Variants in PTPRD observed in about 807,000 individuals in gnomAD.
The protein encoded by PTPRD is protein tyrosine phosphatase receptor type D.
A neutral mutation model predicts 214.5 loss-of-function variants in PTPRD; 34 were observed. The ratio of observed to expected loss-of-function variants is 0.16; its 90% CI spans 0.12 to 0.21. PTPRD has a LOEUF of 0.21. Among genes scored for constraint, PTPRD ranks in the 10% least tolerant of loss-of-function variants. The pLI is 1.00. For synonymous variants in PTPRD, 1,128 were observed against 845.7 expected, an observed-to-expected ratio of 1.33 and a Z score of -5.79; for missense variants, 2,545 against 2,398.7, an observed-to-expected ratio of 1.06 and a Z score of -1.27.
chr9:9,389,479 C>T (rs1569567912), intron 9 of PTPRD, among the ~76,000 whole-genome samples: 1 of 152,160 alleles, frequency 6.6e-6, no homozygotes, highest in Non-Finnish European at 1.5e-5. Flanking sequence ...CATTGCACTC[C>T]AGCTTGGGCC....
intron 11 of PTPRD, among the ~76,000 whole-genome samples, chr9:8,807,899 G>C (rs1377887345): frequency 1.3e-5 from 2 of 152,130 alleles, no homozygotes; most frequent in African/African-American, 2.4e-5. Context: ...TGGGTCTAAA[G>C]AGAATCTGTA....
At chr9:10,313,419 A>ACACACACACACAC (rs1565224241) in intron 3 of PTPRD, among the ~76,000 whole-genome samples, 1 of 91,882 alleles carries the variant, frequency 1.1e-5, no homozygotes, top group Non-Finnish European at 2.0e-5. Flanking sequence ...CACACACACA[A>ACACACACACACAC]ATTTTTAAAA....
chr9:9,165,929 C>G (rs2099902662), intron 10 of PTPRD, among the ~76,000 whole-genome samples: 4 of 151,996 alleles, frequency 2.6e-5, no homozygotes, highest in Admixed American at 2.6e-4. Flanking sequence ...TAATCACAAA[C>G]CAGCCTTTTC....
chr9:9,919,519 T>A (rs1268032712), intron 5 of PTPRD, among the ~76,000 whole-genome samples: 1 of 152,162 alleles, frequency 6.6e-6, no homozygotes, highest in Non-Finnish European at 1.5e-5. Context: ...ATTATTCAAA[T>A]GAAGTACACT....
chr9:9,433,064 G>T (rs1421853274), intron 8 of PTPRD, among the ~76,000 whole-genome samples: 1 of 152,030 alleles, frequency 6.6e-6, no homozygotes, highest in African/African-American at 2.4e-5. Flanking sequence ...GTTAGGAAGG[G>T]CACACAAAAG....
intron 2 of PTPRD, among the ~76,000 whole-genome samples, chr9:10,366,920 A>T (rs2097527602): frequency 6.6e-6 from 1 of 152,134 alleles, no homozygotes; most frequent in Admixed American, 6.6e-5. Context: ...ACACCAGGAT[A>T]ATGATTAGGA....
intron 11 of PTPRD, among the ~76,000 whole-genome samples, chr9:8,889,823 G>C (rs1019047233): frequency 4.6e-5 from 7 of 152,120 alleles, no homozygotes; most frequent in African/African-American, 7.2e-5. Flanking sequence ...GTATTCCATG[G>C]TGTATATATA....
chr9:8,323,442 G>A (rs1033804253), intron 44 of PTPRD, among the ~76,000 whole-genome samples: 9 of 152,178 alleles, frequency 5.9e-5, no homozygotes, highest in African/African-American at 1.9e-4. Context: ...AAATTTACTG[G>A]AAGTAATTCA....
intron 14 of PTPRD, among the ~76,000 whole-genome samples, chr9:8,563,697 TGTCACCCA>T (rs1478430633): frequency 1.3e-5 from 2 of 152,080 alleles, no homozygotes; most frequent in African/African-American, 2.4e-5. Flanking sequence ...GGCCTCCCTC[TGTCACCCA>T]GGCTGGAACG....
At chr9:9,325,701 T>C (rs911572271) in intron 9 of PTPRD, among the ~76,000 whole-genome samples, 3 of 152,182 alleles carry the variant, frequency 2.0e-5, no homozygotes, top group Admixed American at 6.6e-5. Context: ...TCCTGCCTGA[T>C]TGCCCTGGCC....
At chr9:8,722,111 TTAAG>T (rs1410452129) in intron 12 of PTPRD, among the ~76,000 whole-genome samples, 3 of 143,610 alleles carry the variant, frequency 2.1e-5, no homozygotes, top group East Asian at 2.1e-4. Context: ...TCTCCATACA[TTAAG>T]TATTACTCTG....
chr9:10,026,716 A>G (rs950404144), intron 4 of PTPRD, among the ~76,000 whole-genome samples: 24 of 152,266 alleles, frequency 1.6e-4, no homozygotes, highest in African/African-American at 5.1e-4. Flanking sequence ...AGTTTTCACA[A>G]TAGACAATAT....
chr9:9,010,216 T>A (rs532817291), intron 11 of PTPRD, among the ~76,000 whole-genome samples: 1 of 152,194 alleles, frequency 6.6e-6, no homozygotes, highest in Non-Finnish European at 1.5e-5. Context: ...AGATTCAACA[T>A]ATCTTTGACC....
chr9:9,500,732 T>G (rs561610163), intron 8 of PTPRD, among the ~76,000 whole-genome samples: 1 of 152,100 alleles, frequency 6.6e-6, no homozygotes, highest in African/African-American at 2.4e-5. Flanking sequence ...CAGGTAGATA[T>G]AGAAGACTTT....
chr9:9,696,655 T>C (rs1468128967), intron 7 of PTPRD, among the ~76,000 whole-genome samples: 1 of 152,180 alleles, frequency 6.6e-6, no homozygotes, highest in Non-Finnish European at 1.5e-5. Context: ...GCATAAACTA[T>C]CTTATTCCCT....
chr9:8,746,411 T>C (rs2092815320), intron 11 of PTPRD, among the ~76,000 whole-genome samples: 2 of 152,068 alleles, frequency 1.3e-5, no homozygotes, highest in African/African-American at 2.4e-5. Context: ...TGTATCAGAG[T>C]GGCAGCGAAA....
intron 11 of PTPRD, among the ~76,000 whole-genome samples, chr9:8,742,801 C>G (rs1356750324): frequency 6.6e-6 from 1 of 152,048 alleles, no homozygotes; most frequent in African/African-American, 2.4e-5. Context: ...TTTAGCGCCT[C>G]GCAGGTGTAA....
chr9:10,103,860 G>A (rs902606911), intron 3 of PTPRD, among the ~76,000 whole-genome samples: 2 of 151,656 alleles, frequency 1.3e-5, no homozygotes, highest in Non-Finnish European at 3.0e-5. Flanking sequence ...TTAATGGCTT[G>A]TTGACAGCAC....
At chr9:10,556,417 A>G (rs1420407010) in intron 2 of PTPRD, among the ~76,000 whole-genome samples, 1 of 152,070 alleles carries the variant, frequency 6.6e-6, no homozygotes, top group Non-Finnish European at 1.5e-5. Flanking sequence ...ATGACACTAT[A>G]TCATTTTAGG....
Sources: gnomAD v4.1 joint callset for allele counts (sites outside exome capture counted in the v4.1 genomes callset) on GRCh38, gnomAD v4.1.1 for gene constraint, MANE v1.5 for transcripts, NCBI Gene and HGNC (gene_info 2026-07-23, HGNC 2026-07-21) for gene names.